ADAMTS12: variants seen among roughly 807,000 people sequenced by gnomAD.
The protein encoded by ADAMTS12 is ADAM metallopeptidase with thrombospondin type 1 motif 12.
In ADAMTS12, 118 loss-of-function variants were observed where a neutral mutation model predicts 167.8. The observed-to-expected ratio is 0.70, with a 90% CI of 0.61 to 0.82. ADAMTS12 has a LOEUF of 0.82. Ranked by LOEUF, ADAMTS12 falls within the 40% of genes least tolerant of loss-of-function variation. The pLI is 0.00. For missense variants in ADAMTS12, 1,916 were observed against 1,998.8 expected (o/e 0.96, Z 0.79); for synonymous variants, 704 against 716.9 (o/e 0.98, Z 0.29).
chr5:33,686,477 T>C (rs1009961017), intron 3 of ADAMTS12, among the ~76,000 whole-genome samples: 1 of 152,118 alleles, frequency 6.6e-6, no homozygotes, highest in African/African-American at 2.4e-5. Context: ...TCTTCTTTAC[T>C]CTCCCCTTTT....
At chr5:33,738,005 T>C (rs764563877) in intron 3 of ADAMTS12, among the ~76,000 whole-genome samples, 6 of 152,206 alleles carry the variant, frequency 3.9e-5, no homozygotes, top group African/African-American at 7.2e-5. Flanking sequence ...CCAAACTGCC[T>C]GGTACCACTG....
intron 23 of ADAMTS12, among the ~76,000 whole-genome samples, chr5:33,529,345 AG>A: frequency 6.6e-6 from 1 of 152,264 alleles, no homozygotes; most frequent in African/African-American, 2.4e-5. Context: ...GGTGGTTCTC[AG>A]ATGGCACTGG....
At chr5:33,558,023 C>G (rs923529076) in intron 20 of ADAMTS12, among the ~76,000 whole-genome samples, 5 of 152,008 alleles carry the variant, frequency 3.3e-5, no homozygotes, top group African/African-American at 7.3e-5. Flanking sequence ...TGCAGGAAAA[C>G]AAGCTCAGGG....
intron 3 of ADAMTS12, among the ~76,000 whole-genome samples, chr5:33,690,208 T>G (rs4866363): frequency 0.22 from 34,226 of 152,186 alleles, 4,037 homozygotes; most frequent in East Asian, 0.42. Context: ...AGCTTGGGTA[T>G]ATTTGAAGGG....
At chr5:33,547,831 G>A (rs1440350442) in intron 21 of ADAMTS12, among the ~76,000 whole-genome samples, 1 of 152,164 alleles carries the variant, frequency 6.6e-6, no homozygotes, top group Non-Finnish European at 1.5e-5. Flanking sequence ...GGCAATCTAA[G>A]CTCCTCTGTG....
intron 3 of ADAMTS12, among the ~76,000 whole-genome samples, chr5:33,693,078 C>T (rs1217280462): frequency 1.3e-5 from 2 of 152,166 alleles, no homozygotes; most frequent in African/African-American, 4.8e-5. Flanking sequence ...TAGTCGGAAG[C>T]CTGCAATTCA....
chr5:33,881,059 C>T (rs1446318674), intron 2 of ADAMTS12, 60 bp downstream of exon 2: 1 of 1,571,528 alleles, frequency 6.4e-7, no homozygotes, highest in Non-Finnish European at 8.6e-7. Context: ...GGTAGTAGGT[C>T]TACCAGCTGA....
rs185067564 is a variant in ADAMTS12 at position 33,760,332 on chromosome 5, T to C, written c.490-8784A>G. 4.8e-3 allele frequency among the ~76,000 whole-genome samples: 725 copies of C among 151,596 alleles called. 24 individuals are homozygous for C. Among genetic ancestry groups the C allele is most frequent in the Admixed American group, 0.045 (692 of 15,226 alleles). On this transcript the variant is annotated intron_variant, in intron 2 of 23. Transcript: ENST00000504830. ...ATTCCCCTGAATTCAAGGTTCACAA[T>C]GTCTGTAATAGCTTGGCAGACTAGG...
chr5:33,860,357 C>T (rs1338926755), intron 2 of ADAMTS12, among the ~76,000 whole-genome samples: 1 of 151,952 alleles, frequency 6.6e-6, no homozygotes, highest in African/African-American at 2.4e-5. Flanking sequence ...ACAAGAACTT[C>T]GTGAAGCATA....
intron 2 of ADAMTS12, among the ~76,000 whole-genome samples, chr5:33,855,767 G>A (rs115042371): frequency 0.013 from 1,949 of 151,816 alleles, 55 homozygotes; most frequent in African/African-American, 0.045. Flanking sequence ...TCTATTGCCC[G>A]GGCTAGAGAG....
intron 3 of ADAMTS12, 42 bp from the exon 4 acceptor site, chr5:33,684,097 T>A: frequency 1.5e-6 from 2 of 1,300,996 alleles, no homozygotes; most frequent in Non-Finnish European, 2.0e-6. Flanking sequence ...ACTGTATATG[T>A]CTCATATATT....
At chr5:33,855,606 C>G (rs1176669324) in intron 2 of ADAMTS12, among the ~76,000 whole-genome samples, 1 of 152,160 alleles carries the variant, frequency 6.6e-6, no homozygotes, top group Non-Finnish European at 1.5e-5. Flanking sequence ...TCGAACATGA[C>G]TACTGGGTTT....
chr5:33,735,299 A>G (rs976071818), intron 3 of ADAMTS12, among the ~76,000 whole-genome samples: 1 of 152,198 alleles, frequency 6.6e-6, no homozygotes, highest in Admixed American at 6.5e-5. Flanking sequence ...TGCATTTCTT[A>G]TAAGTTCCAG....
At chr5:33,870,657 T>C (rs1274515052) in intron 2 of ADAMTS12, among the ~76,000 whole-genome samples, 5 of 152,332 alleles carry the variant, frequency 3.3e-5, no homozygotes, top group Middle Eastern at 3.4e-3. Flanking sequence ...TTTGTGTCCC[T>C]GTCCAAATCC....
At chr5:33,877,470 C>A (rs997168949) in intron 2 of ADAMTS12, among the ~76,000 whole-genome samples, 10 of 152,284 alleles carry the variant, frequency 6.6e-5, no homozygotes, top group African/African-American at 2.2e-4. Flanking sequence ...AAACCCACCC[C>A]CACTGCGATA....
chr5:33,703,546 C>G (rs930055925), intron 3 of ADAMTS12, among the ~76,000 whole-genome samples: 1 of 152,112 alleles, frequency 6.6e-6, no homozygotes, highest in African/African-American at 2.4e-5. Context: ...TTGACTAACA[C>G]CTCCCCATTT....
chr5:33,691,742 G>T (rs139885519), intron 3 of ADAMTS12, among the ~76,000 whole-genome samples: 1 of 152,286 alleles, frequency 6.6e-6, no homozygotes, highest in South Asian at 2.1e-4. Flanking sequence ...CTGGAACTCC[G>T]TGTCTACCTC....
chr5:33,739,505 G>A (rs576752142), intron 3 of ADAMTS12, among the ~76,000 whole-genome samples: 2 of 152,262 alleles, frequency 1.3e-5, no homozygotes, highest in South Asian at 4.1e-4. Flanking sequence ...ATACGTGTGT[G>A]GTCTCACACA....
intron 3 of ADAMTS12, among the ~76,000 whole-genome samples, chr5:33,734,699 A>G (rs1744309338): frequency 6.6e-6 from 1 of 152,208 alleles, no homozygotes; most frequent in South Asian, 2.1e-4. Flanking sequence ...GCTGCAGCAA[A>G]GGATGACAAC....
Sources: gnomAD v4.1 joint callset for allele counts (sites outside exome capture counted in the v4.1 genomes callset) on GRCh38, gnomAD v4.1.1 for gene constraint, MANE v1.5 for transcripts, NCBI Gene and HGNC (gene_info 2026-07-23, HGNC 2026-07-21) for gene names.